MATCAP2: variants seen among roughly 807,000 people sequenced by gnomAD.
MATCAP2 encodes the protein putative tyrosine carboxypeptidase MATCAP2.
the MATCAP2 span, among the ~76,000 whole-genome samples, chr7:36,369,556 G>A: frequency 3.9e-4 from 60 of 152,164 alleles, 1 homozygote; most frequent in Admixed American, 3.7e-3. Context: ...CAAGTCATAT[G>A]TTCAGTGCTT....
At chr7:36,387,924 T>C in the MATCAP2 span, among the ~76,000 whole-genome samples, 1 of 151,998 alleles carries the variant, frequency 6.6e-6, no homozygotes, top group Admixed American at 6.6e-5. Context: ...CACACCTTTC[T>C]TGTCACACTT....
At chr7:36,367,564 G>C in the MATCAP2 span, among the ~76,000 whole-genome samples, 1 of 152,316 alleles carries the variant, frequency 6.6e-6, no homozygotes, top group South Asian at 2.1e-4. Flanking sequence ...TACGAGGTGC[G>C]GGGAAGCTAA....
At chr7:36,367,594 A>G in the MATCAP2 span, among the ~76,000 whole-genome samples, 2 of 152,206 alleles carry the variant, frequency 1.3e-5, no homozygotes, top group African/African-American at 4.8e-5. Flanking sequence ...AGGATGAGCT[A>G]GTAAGAGTGG....
the MATCAP2 span, among the ~76,000 whole-genome samples, chr7:36,345,844 T>G: frequency 2.0e-5 from 3 of 152,076 alleles, no homozygotes; most frequent in African/African-American, 7.2e-5. Flanking sequence ...AACAAAAAGA[T>G]AAGATGGACT....
At chr7:36,362,281 T>A in the MATCAP2 span, among the ~76,000 whole-genome samples, 1 of 152,200 alleles carries the variant, frequency 6.6e-6, no homozygotes, top group African/African-American at 2.4e-5. Context: ...TGTATGAAAA[T>A]GAGACGAAAG....
At chr7:36,374,371 C>T in the MATCAP2 span, among the ~76,000 whole-genome samples, 1 of 152,042 alleles carries the variant, frequency 6.6e-6, no homozygotes, top group Admixed American at 6.6e-5. Context: ...TGATCTACTG[C>T]ACCTGGCCCA....
At chr7:36,379,669 G>T in the MATCAP2 span, among the ~76,000 whole-genome samples, 1 of 151,944 alleles carries the variant, frequency 6.6e-6, no homozygotes, top group Non-Finnish European at 1.5e-5. Context: ...AAAAAAATGT[G>T]TCACTAGGTG....
At chr7:36,348,727 T>C in the MATCAP2 span, among the ~76,000 whole-genome samples, 9 of 152,126 alleles carry the variant, frequency 5.9e-5, no homozygotes, top group Non-Finnish European at 1.2e-4. Context: ...GATGGAATTA[T>C]AAATAAAGTA....
At chr7:36,381,516 A>G in the MATCAP2 span, among the ~76,000 whole-genome samples, 4 of 151,918 alleles carry the variant, frequency 2.6e-5, no homozygotes, top group Admixed American at 2.6e-4. Flanking sequence ...ACTAAAATAC[A>G]AAAAATTAGT....
the MATCAP2 span, chr7:36,390,149 T>A: frequency 1.9e-6 from 3 of 1,586,444 alleles, no homozygotes; most frequent in South Asian, 1.1e-5. Flanking sequence ...GGAGGGCGCG[T>A]GTGTGCGCGC....
the MATCAP2 span, among the ~76,000 whole-genome samples, chr7:36,351,005 A>G: frequency 1.2e-3 from 184 of 152,348 alleles, no homozygotes; most frequent in African/African-American, 3.6e-3. Flanking sequence ...TTGTGAACCT[A>G]TATACCATGA....
chr7:36,379,274 C>A, the MATCAP2 span, among the ~76,000 whole-genome samples: 2 of 152,298 alleles, frequency 1.3e-5, no homozygotes, highest in South Asian at 4.1e-4. Context: ...GTCAGTGGGG[C>A]TGATGAGATC....
the MATCAP2 span, among the ~76,000 whole-genome samples, chr7:36,352,147 G>A: frequency 1.3e-5 from 2 of 151,046 alleles, no homozygotes. Flanking sequence ...TATAATCCCA[G>A]CACTTTGGGA....
the MATCAP2 span, chr7:36,366,960 G>A: frequency 5.9e-6 from 8 of 1,350,680 alleles, no homozygotes; most frequent in Non-Finnish European, 7.5e-6. Flanking sequence ...GAGGCCCGGG[G>A]CGGCGGGCTC....
At chr7:36,389,750 C>T in the MATCAP2 span, 16 of 415,294 alleles carry the variant, frequency 3.9e-5, no homozygotes, top group Middle Eastern at 6.9e-4. Flanking sequence ...CCACCCGGCC[C>T]GGCGCGGCCA....
At chr7:36,357,675 G>T in the MATCAP2 span, 2 of 1,018,778 alleles carry the variant, frequency 2.0e-6, no homozygotes, top group South Asian at 1.7e-5. Context: ...GTATTCTGAA[G>T]ATTCTATAAA....
chr7:36,389,875 G>C, the MATCAP2 span: 5 of 1,397,032 alleles, frequency 3.6e-6, no homozygotes, highest in Non-Finnish European at 5.0e-6. Context: ...TCCGTCACTG[G>C]AAGCCGAGAG....
chr7:36,360,238 C>T, the MATCAP2 span, among the ~76,000 whole-genome samples: 4 of 152,010 alleles, frequency 2.6e-5, no homozygotes, highest in Non-Finnish European at 4.4e-5. Context: ...AGTTTTTTGT[C>T]GTAAAGCATC....
the MATCAP2 span, among the ~76,000 whole-genome samples, chr7:36,339,240 T>C: frequency 2.0e-5 from 3 of 152,234 alleles, no homozygotes; most frequent in African/African-American, 7.2e-5. Flanking sequence ...CTGCAAGTCA[T>C]AATTCAACAT....
Sources: allele counts gnomAD v4.1 joint callset (sites outside exome capture counted in the v4.1 genomes callset), GRCh38; gene constraint gnomAD v4.1.1; transcripts MANE v1.5; gene names NCBI Gene and HGNC (gene_info 2026-07-23, HGNC 2026-07-21).